CFAP91: variants seen among roughly 807,000 people sequenced by gnomAD.
CFAP91 encodes the protein cilia and flagella associated protein 91.
CFAP91 carries 85 observed loss-of-function variants against 95.9 expected under a neutral mutation model. That is an observed-to-expected ratio of 0.89 (90% CI 0.74 to 1.06). CFAP91 has a LOEUF of 1.06. Ranked by LOEUF, CFAP91 falls within the 50% of genes least tolerant of loss-of-function variation. The pLI, the probability that CFAP91 is intolerant of heterozygous loss-of-function variation, is 0.00. For synonymous variants in CFAP91, 335 were observed against 327.5 expected (o/e 1.02, Z -0.25); for missense variants, 962 against 943.4 (o/e 1.02, Z -0.26).
chr3:119,714,315 G>A lies in CFAP91; in HGVS notation c.501-1247G>A, dbSNP rs1168715677. Among the ~76,000 whole-genome samples, 4 of 148,830 alleles carry A rather than the reference G, an allele frequency of 2.7e-5. 1 individual carries two copies. In the South Asian group the frequency reaches 6.4e-4, roughly 24 times the overall value. On this transcript the variant is annotated intron_variant, in intron 5 of 17. Transcript: ENST00000273390. ...CAGGAGGCGGAGCTTGCAGTGAGCCGAGATCGCGCTACTGCACTCTAACCT... is the reference window on the plus strand; with the variant it reads ...CAGGAGGCGGAGCTTGCAGTGAGCCAAGATCGCGCTACTGCACTCTAACCT...
intron 17 of CFAP91, among the ~76,000 whole-genome samples, chr3:119,754,740 C>T (rs996024244): frequency 1.4e-4 from 21 of 152,190 alleles, no homozygotes; most frequent in Non-Finnish European, 2.2e-4. Flanking sequence ...GAAGGACCAC[C>T]CAGTGGACCC....
In CFAP91 at chr3:119,747,873, A is replaced by T. The variant is rs766437918; in HGVS notation, c.2114A>T (p.Glu705Val). 1 of 1,613,486 alleles carries T rather than the reference A, an allele frequency of 6.2e-7. No individual in the cohort carries two copies. The highest frequency in any genetic ancestry group is 8.5e-7 in the Non-Finnish European group (1 of 1,179,684). The change falls in exon 16 of 18, where the codon GAG becomes GTG. Residue 705 changes from glutamate (E) to valine (V), a missense_variant. Coordinates refer to ENST00000273390, the MANE Select transcript of CFAP91 (RefSeq NM_033364.4). Reference sequence around the variant, plus strand: ...TTGGTTTATAGTTTTCTGATCCCAGAGGTGCAAAAATACTTTGTCAAAGAA... The same window carrying T: ...TTGGTTTATAGTTTTCTGATCCCAGTGGTGCAAAAATACTTTGTCAAAGAA... ...AELVYSFLIP[E>V]VQKYFVKEKV...
chr3:119,715,237 A>G (rs959898518), intron 5 of CFAP91: 27 of 380,496 alleles, frequency 7.1e-5, no homozygotes, highest in African/African-American at 5.6e-4. Context: ...GTAATGCTGA[A>G]CAGGTTCAGA....
chr3:119,705,978 G>T (rs543257590), intron 1 of CFAP91: 1 of 152,318 alleles, frequency 6.6e-6, no homozygotes, highest in South Asian at 2.1e-4. Context: ...AAAGAGACTT[G>T]TTTCTAAATC....
chr3:119,720,732 G>A (rs1472453873), intron 6 of CFAP91, among the ~76,000 whole-genome samples: 1 of 152,162 alleles, frequency 6.6e-6, no homozygotes. Context: ...AGTATTGGTA[G>A]CACATTGATT....
At chr3:119,720,468 G>C (rs2107870707) in intron 6 of CFAP91, among the ~76,000 whole-genome samples, 2 of 152,058 alleles carry the variant, frequency 1.3e-5, no homozygotes, top group Middle Eastern at 6.8e-3. Flanking sequence ...TACTAAGTTG[G>C]TTTTAAGAAG....
In CFAP91 at chr3:119,766,462, T is replaced by A. The variant is rs2054629824; in HGVS notation, c.*1412T>A. 1 of 152,200 alleles carries A rather than the reference T, an allele frequency of 6.6e-6. No individual in the cohort carries two copies. Among genetic ancestry groups the A allele is most frequent in the African/African-American group, 2.4e-5 (1 of 41,456 alleles). 9.4% of individuals were successfully genotyped at this position (152,200 alleles called of 1,614,324 possible). On this transcript the variant is annotated 3_prime_UTR_variant, in exon 18 of 18. Transcript: ENST00000273390. ...GTAAGGAAGCAACTAAATTTTGTTT[T>A]GTTCTTTGAAAAAGGCTAACCTGAG...
intron 17 of CFAP91, among the ~76,000 whole-genome samples, chr3:119,760,611 T>C (rs1178039878): frequency 6.6e-6 from 1 of 151,690 alleles, no homozygotes; most frequent in East Asian, 1.9e-4. Context: ...CACAGAACAT[T>C]CTCCAAGACT....
intron 17 of CFAP91, among the ~76,000 whole-genome samples, chr3:119,758,659 C>T (rs9809148): frequency 0.016 from 2,416 of 152,046 alleles, 60 homozygotes; most frequent in African/African-American, 0.055. Context: ...AAATGCCTTC[C>T]AAGCAATAAA....
intron 10 of CFAP91, among the ~76,000 whole-genome samples, 177 bp downstream of exon 10, chr3:119,733,683 C>T (rs1221516478): frequency 1.3e-5 from 2 of 152,166 alleles, no homozygotes; most frequent in African/African-American, 2.4e-5. Context: ...CCTCATTTCA[C>T]ATTTCAGGAG....
chr3:119,750,967 C>T lies in CFAP91; in HGVS notation c.2174C>T (p.Ala725Val). The change falls in exon 17 of 18, where the codon GCA becomes GTA. Residue 725 changes from alanine to valine, a missense_variant. By Grantham distance (64) the Ala-to-Val change is moderately conservative (BLOSUM62 0). Transcript: ENST00000273390. ...AACGCACAGCGGAAACATATTCTTGCAGCCCATCAGATCATCCACAGTTAC... is the reference window on the plus strand; with the variant it reads ...AACGCACAGCGGAAACATATTCTTGTAGCCCATCAGATCATCCACAGTTAC... ...VRNAQRKHILAAHQIIHSYTE... is the reference protein window; with the variant it reads ...VRNAQRKHILVAHQIIHSYTE... 1 of 1,613,980 alleles carries T rather than the reference C, an allele frequency of 6.2e-7. No individual in the cohort carries two copies. Among genetic ancestry groups the T allele is most frequent in the African/African-American group, 1.3e-5 (1 of 75,026 alleles).
intron 17 of CFAP91, among the ~76,000 whole-genome samples, chr3:119,763,902 A>C (rs1344368558): frequency 2.6e-5 from 4 of 152,090 alleles, no homozygotes; most frequent in Non-Finnish European, 4.4e-5. Flanking sequence ...AGTTCAAGGG[A>C]TGCATTGTAA....
At position 119,765,678 on chromosome 3, in the gene CFAP91, G is replaced by T. The variant is rs1391441041; in HGVS notation, c.*628G>T. On this transcript the variant is annotated 3_prime_UTR_variant, in exon 18 of 18. Coordinates refer to ENST00000273390, the MANE Select transcript of CFAP91 (RefSeq NM_033364.4). The stretch of plus-strand genomic sequence containing the variant: ...AGTGTGTTCATGCAACAGCCATAGA[G>T]ATGGTGCTATTGAAAGGCAATCTGC... The T allele has an allele frequency of 6.6e-6, 1 of 152,230 alleles. No individual in the cohort carries two copies. Among genetic ancestry groups the T allele is most frequent in the African/African-American group, 2.4e-5 (1 of 41,458 alleles). The allele number at this position is 152,230 out of a possible 1,614,324, so 9.4% of individuals were successfully genotyped here.
intron 10 of CFAP91, among the ~76,000 whole-genome samples, chr3:119,734,174 G>A (rs566808212): frequency 3.3e-5 from 5 of 152,272 alleles, no homozygotes; most frequent in African/African-American, 1.2e-4. Context: ...GTTTCCCGGT[G>A]ATGCTGCTGC....
At chr3:119,732,527 A>G in intron 9 of CFAP91, 51 bp downstream of exon 9, 1 of 1,149,868 alleles carries the variant, frequency 8.7e-7, no homozygotes, top group Non-Finnish European at 1.2e-6. Flanking sequence ...TGTCTCAGAA[A>G]TATGATTAAA....
In CFAP91 at chr3:119,767,072, A is replaced by G. The variant is rs762828602; in HGVS notation, c.*2022A>G. 1 of 152,212 alleles carries G rather than the reference A, an allele frequency of 6.6e-6. No individual in the cohort carries two copies. The highest frequency in any genetic ancestry group is 1.5e-5 in the Non-Finnish European group (1 of 68,040). 9.4% of individuals were successfully genotyped at this position (152,212 alleles called of 1,614,324 possible). ...TTGCTTTTGAAAATAAAACACCTAT[A>G]GTGACAATAAAAACACACATTTAAA... On this transcript the variant is annotated 3_prime_UTR_variant, in exon 18 of 18. Transcript: ENST00000273390.
intron 2 of CFAP91, 34 bp downstream of exon 2, chr3:119,706,919 G>A: frequency 6.6e-7 from 1 of 1,521,032 alleles, no homozygotes; most frequent in Non-Finnish European, 9.1e-7. Context: ...GCTACCTGAT[G>A]AACCTGAACC....
intron 16 of CFAP91, among the ~76,000 whole-genome samples, 160 bp from the exon 17 acceptor site, chr3:119,750,777 G>C (rs1274717942): frequency 6.6e-6 from 1 of 152,194 alleles, no homozygotes; most frequent in Non-Finnish European, 1.5e-5. Flanking sequence ...TGACTGGGCT[G>C]AACCAGAGAG....
chr3:119,708,341 G>T (rs57035409), intron 3 of CFAP91, among the ~76,000 whole-genome samples: 1,921 of 150,650 alleles, frequency 0.013, 38 homozygotes, highest in African/African-American at 0.044. Context: ...GGGCATTTTT[G>T]TATGTGGGAT....
Sources: allele counts gnomAD v4.1 joint callset (sites outside exome capture counted in the v4.1 genomes callset), GRCh38; gene constraint gnomAD v4.1.1; transcripts MANE v1.5; gene names NCBI Gene and HGNC (gene_info 2026-07-23, HGNC 2026-07-21).